TSPEAR: variants seen among roughly 807,000 people sequenced by gnomAD.
The protein encoded by TSPEAR is thrombospondin-type laminin G domain and EAR repeat-containing protein.
In TSPEAR, 69 loss-of-function variants were observed where a neutral mutation model predicts 71.6. The observed-to-expected ratio is 0.96, with a 90% CI of 0.79 to 1.18. TSPEAR has a LOEUF of 1.18. Ranked by LOEUF, TSPEAR falls within the 50% of genes most tolerant of loss-of-function variation. The pLI is 0.00. For missense variants in TSPEAR, 971 were observed against 894.9 expected (o/e 1.09, Z -1.09); for synonymous variants, 402 against 387.2 (o/e 1.04, Z -0.45).
chr21:44,634,897 C>T (rs1395570442), intron 1 of TSPEAR, among the ~76,000 whole-genome samples: 6 of 152,144 alleles, frequency 3.9e-5, no homozygotes, highest in African/African-American at 1.2e-4. Context: ...TTGTACATTG[C>T]TAGTGAGAAT....
chr21:44,613,020 C>G, intron 1 of TSPEAR: 1 of 1,263,796 alleles, frequency 7.9e-7, no homozygotes, highest in Non-Finnish European at 1.1e-6. Flanking sequence ...GGTGACCTCT[C>G]CCTCCTTACT....
At chr21:44,690,342 GAACCAAGTGATGCCAAGAA>G (rs1347707206) in intron 1 of TSPEAR, among the ~76,000 whole-genome samples, 1 of 152,220 alleles carries the variant, frequency 6.6e-6, no homozygotes, top group Non-Finnish European at 1.5e-5. Context: ...AGGCTGAAAA[GAACCAAGTGATGCCAAGAA>G]AAATGAACGG....
intron 1 of TSPEAR, 103 bp from the exon 2 acceptor site, chr21:44,568,108 A>G (rs943236902): frequency 1.6e-5 from 12 of 759,624 alleles, no homozygotes; most frequent in Admixed American, 6.7e-5. Flanking sequence ...GGCACTTTAC[A>G]TAGCACTATA....
chr21:44,559,938 T>G (rs183332296), intron 2 of TSPEAR, among the ~76,000 whole-genome samples: 1 of 152,278 alleles, frequency 6.6e-6, no homozygotes, highest in Admixed American at 6.5e-5. Flanking sequence ...CTCTGACCTT[T>G]GATGAGTATG....
At chr21:44,670,251 A>G (rs1471488663) in intron 1 of TSPEAR, among the ~76,000 whole-genome samples, 3 of 152,152 alleles carry the variant, frequency 2.0e-5, no homozygotes, top group African/African-American at 7.2e-5. Context: ...TTCATGGTTC[A>G]TAGGTGGGGG....
intron 7 of TSPEAR, 98 bp downstream of exon 7, chr21:44,527,194 A>G: frequency 8.5e-7 from 1 of 1,178,664 alleles, no homozygotes; most frequent in Admixed American, 1.9e-5. Flanking sequence ...ACCGTGAGAA[A>G]CTCCTTTACC....
chr21:44,575,067 C>T, intron 1 of TSPEAR: 1 of 1,519,060 alleles, frequency 6.6e-7, no homozygotes, highest in South Asian at 1.3e-5. Flanking sequence ...CAGGTCCCAC[C>T]TGAAAGCTGA....
At position 44,700,080 on chromosome 21, in the gene TSPEAR, C is replaced by T. The variant is rs371687462; in HGVS notation, c.82+11353G>A. On this transcript the variant is annotated intron_variant, in intron 1 of 11. Transcript: ENST00000323084. ...CCACAGGTAAGAGCATCCTAGGAGA[C>T]GCCCCGTGCTTTGAGAGTGCCCCAT... Among the ~76,000 whole-genome samples, 49 of 152,344 alleles carry T rather than the reference C, an allele frequency of 3.2e-4. 1 individual carries two copies. In the South Asian group the frequency reaches 5.0e-3, roughly 15 times the overall value.
intron 1 of TSPEAR, chr21:44,575,046 C>T: frequency 6.4e-7 from 1 of 1,570,442 alleles, no homozygotes; most frequent in South Asian, 1.2e-5. Context: ...CCCCCCAGTG[C>T]CAGCCAGGCT....
At chr21:44,708,237 C>T (rs1304355983) in intron 1 of TSPEAR, among the ~76,000 whole-genome samples, 1 of 152,080 alleles carries the variant, frequency 6.6e-6, no homozygotes, top group Non-Finnish European at 1.5e-5. Flanking sequence ...GGAGCTGGGC[C>T]CCCTGGACAG....
intron 1 of TSPEAR, among the ~76,000 whole-genome samples, chr21:44,704,227 C>G (rs1555951938): frequency 1.3e-5 from 1 of 77,204 alleles, no homozygotes; most frequent in Non-Finnish European, 2.6e-5. Flanking sequence ...GGGACCCTGC[C>G]CCCTGCTTCC....
Position 44,546,420 on chromosome 21 carries a change from C to T in TSPEAR, c.304-12497G>A, listed in dbSNP as rs1260047000. Reference sequence around the variant, plus strand: ...TGCGATCTCTGCTCACTGCAAGCTCCGCCTCCCAGGTTCCCACCATTCTCC... The same window carrying T: ...TGCGATCTCTGCTCACTGCAAGCTCTGCCTCCCAGGTTCCCACCATTCTCC... On this transcript the variant is annotated intron_variant, in intron 2 of 11. Transcript: ENST00000323084. This position sits in a 1 kb window ranked among gnomAD's most constrained non-coding sequence, Gnocchi z 4.4. Among the ~76,000 whole-genome samples the T allele has an allele frequency of 5.3e-5, 8 of 152,172 alleles. No individual in the cohort carries two copies. The highest frequency in any genetic ancestry group is 4.8e-5 in the African/African-American group (2 of 41,436).
At chr21:44,575,034 C>T (rs1018697818) in intron 1 of TSPEAR, 148 of 1,582,246 alleles carry the variant, frequency 9.4e-5, no homozygotes, top group Admixed American at 1.0e-4. Context: ...CTGATGGACA[C>T]GCCCCCCAGT....
chr21:44,536,833 A>G (rs1230850919), intron 2 of TSPEAR, among the ~76,000 whole-genome samples: 1 of 152,242 alleles, frequency 6.6e-6, no homozygotes, highest in East Asian at 1.9e-4. Flanking sequence ...GAGAACTTGC[A>G]AAGGAAAGGA....
At chr21:44,518,639 C>T (rs1555913834) in intron 9 of TSPEAR, 1 of 470,908 alleles carries the variant, frequency 2.1e-6, no homozygotes. Context: ...GTGCGCGACT[C>T]TGCTCTCAAG....
Position 44,642,288 on chromosome 21 carries a change from A to G in TSPEAR, c.82+69145T>C, listed in dbSNP as rs1984059827. Reference sequence around the variant, plus strand: ...GCAGACTCAGATGTTTCAAAGATGTATACCATCAGCCTTCAATACAAAGAC... The same window carrying G: ...GCAGACTCAGATGTTTCAAAGATGTGTACCATCAGCCTTCAATACAAAGAC... On this transcript the variant is annotated intron_variant, in intron 1 of 11. Transcript: ENST00000323084. This position sits in a 1 kb window ranked among gnomAD's most constrained non-coding sequence, Gnocchi z 4.1. 6.6e-6 allele frequency among the ~76,000 whole-genome samples: 1 copy of G among 152,230 alleles called. No individual in the cohort carries two copies. The highest frequency in any genetic ancestry group is 1.5e-5 in the Non-Finnish European group (1 of 68,032).
intron 1 of TSPEAR, among the ~76,000 whole-genome samples, chr21:44,578,630 G>T (rs1555924275): frequency 6.6e-6 from 1 of 152,156 alleles, no homozygotes; most frequent in African/African-American, 2.4e-5. Context: ...GATGAGAGGG[G>T]GACTCATGGA....
At chr21:44,549,399 G>T (rs2053360680) in intron 2 of TSPEAR, among the ~76,000 whole-genome samples, 1 of 152,238 alleles carries the variant, frequency 6.6e-6, no homozygotes, top group Non-Finnish European at 1.5e-5. Flanking sequence ...TGGAGAGACA[G>T]TCAGGGCCAT....
intron 2 of TSPEAR, chr21:44,558,315 G>C: frequency 6.2e-7 from 1 of 1,614,090 alleles, no homozygotes; most frequent in South Asian, 1.1e-5. Context: ...GCAGCATGAA[G>C]AGGAAGCCCC....
Sources: allele counts gnomAD v4.1 joint callset (sites outside exome capture counted in the v4.1 genomes callset), GRCh38; gene constraint gnomAD v4.1.1; non-coding constraint Gnocchi (gnomAD v3.1); transcripts MANE v1.5; gene names NCBI Gene and HGNC (gene_info 2026-07-23, HGNC 2026-07-21).